Variants in BMPR1B observed in about 807,000 individuals in gnomAD.
BMPR1B encodes bone morphogenetic protein receptor type-1B.
Under a neutral mutation model 59.1 loss-of-function variants are expected in BMPR1B, and 12 were observed. The observed-to-expected ratio is 0.20, with a 90% CI of 0.13 to 0.33. The LOEUF is 0.33. Ranked by LOEUF, BMPR1B falls within the 10% of genes least tolerant of loss-of-function variation. BMPR1B has a pLI of 1.00. For missense variants in BMPR1B, 550 were observed against 610.9 expected, an observed-to-expected ratio of 0.90 and a Z score of 1.05; for synonymous variants, 237 against 207.3, an observed-to-expected ratio of 1.14 and a Z score of -1.23.
intron 3 of BMPR1B, among the ~76,000 whole-genome samples, chr4:95,013,385 A>G (rs908336242): frequency 3.2e-4 from 48 of 152,144 alleles, no homozygotes; most frequent in African/African-American, 1.1e-3. Context: ...TCCTTGGCTG[A>G]CTTACAGGTA....
chr4:95,071,631 T>C (rs1278943468), intron 3 of BMPR1B, among the ~76,000 whole-genome samples: 1 of 66,424 alleles, frequency 1.5e-5, no homozygotes, highest in Non-Finnish European at 3.2e-5. Context: ...TATATGTGTG[T>C]TTGTGTGTGT....
intron 3 of BMPR1B, among the ~76,000 whole-genome samples, chr4:95,094,055 T>G (rs573736307): frequency 6.6e-6 from 1 of 152,262 alleles, no homozygotes; most frequent in East Asian, 1.9e-4. Context: ...ATTGTTTTCC[T>G]ATATGTATTT....
At chr4:94,883,769 T>G (rs2148982328) in intron 2 of BMPR1B, among the ~76,000 whole-genome samples, 1 of 152,298 alleles carries the variant, frequency 6.6e-6, no homozygotes, top group South Asian at 2.1e-4. Context: ...AGATGATTTT[T>G]CAGTAATCCT....
intron 2 of BMPR1B, among the ~76,000 whole-genome samples, chr4:94,916,702 G>A (rs916116044): frequency 2.0e-5 from 3 of 152,218 alleles, no homozygotes; most frequent in Non-Finnish European, 4.4e-5. Flanking sequence ...AGCAGAGAAA[G>A]TAAAAGCTTA....
chr4:94,980,461 TCCCAGCCAAGGC>T (rs1357774633), intron 2 of BMPR1B, among the ~76,000 whole-genome samples: 1 of 152,116 alleles, frequency 6.6e-6, no homozygotes, highest in Non-Finnish European at 1.5e-5. Flanking sequence ...AAAAATTGAT[TCCCAGCCAAGGC>T]CCCTCTTTGT....
At chr4:95,002,379 G>A (rs192342299) in intron 3 of BMPR1B, among the ~76,000 whole-genome samples, 116 of 152,240 alleles carry the variant, frequency 7.6e-4, no homozygotes, top group African/African-American at 1.7e-3. Flanking sequence ...TCCATCCACT[G>A]TTGATTGTCA....
intron 2 of BMPR1B, among the ~76,000 whole-genome samples, chr4:94,947,573 G>A (rs757080316): frequency 7.2e-5 from 11 of 152,190 alleles, no homozygotes; most frequent in South Asian, 4.1e-4. Flanking sequence ...TTGTATACCC[G>A]TGTGATTGGA....
At chr4:95,102,698 G>T (rs1013751159) in intron 3 of BMPR1B, among the ~76,000 whole-genome samples, 1 of 152,002 alleles carries the variant, frequency 6.6e-6, no homozygotes. Flanking sequence ...TGGAACAAAT[G>T]GCTTTCAAGA....
chr4:94,794,520 A>G (rs1432732967), intron 1 of BMPR1B, among the ~76,000 whole-genome samples: 1 of 134,288 alleles, frequency 7.4e-6, no homozygotes, highest in Non-Finnish European at 1.6e-5. Flanking sequence ...TTGGTTCCAT[A>G]TGAACTTGAA....
intron 3 of BMPR1B, among the ~76,000 whole-genome samples, chr4:95,020,446 G>A (rs1316467254): frequency 1.3e-5 from 2 of 152,108 alleles, no homozygotes; most frequent in Non-Finnish European, 2.9e-5. Context: ...GGGCGTGGTG[G>A]TACATGCCTG....
chr4:95,057,610 A>T (rs1727029583), intron 3 of BMPR1B, among the ~76,000 whole-genome samples: 1 of 151,978 alleles, frequency 6.6e-6, no homozygotes, highest in South Asian at 2.1e-4. Context: ...AAGGTTTTTG[A>T]TTGCCAGTGT....
intron 1 of BMPR1B, among the ~76,000 whole-genome samples, chr4:94,784,554 T>A (rs1404025630): frequency 6.6e-6 from 1 of 152,162 alleles, no homozygotes; most frequent in Non-Finnish European, 1.5e-5. Flanking sequence ...GATGAGGTCT[T>A]GCTATGTGGC....
At chr4:95,035,639 G>T (rs547459818) in intron 3 of BMPR1B, among the ~76,000 whole-genome samples, 4 of 152,054 alleles carry the variant, frequency 2.6e-5, no homozygotes, top group Non-Finnish European at 4.4e-5. Context: ...ATTGGTCTAT[G>T]TGCCTGTTTT....
chr4:95,104,495 C>A lies in BMPR1B; in HGVS notation c.71C>A (p.Thr24Asn). Reference protein sequence around the residue: ...KKEDGESTAPTPRPKVLRCKC... With the variant: ...KKEDGESTAPNPRPKVLRCKC... ...GAGGATGGTGAGAGTACAGCCCCCA[C>A]CCCCCGTCCAAAGGTCTTGCGTTGT... Residue 24 changes from threonine (T) to asparagine (N), a missense_variant, in exon 4 of 13, where the codon ACC becomes AAC. Physicochemically the swap from Thr to Asn is moderately conservative, Grantham distance 65. This residue lies in a region of BMPR1B where 43 missense variants were observed against 35.4 expected (regional missense o/e 1.22). Coordinates refer to ENST00000515059, the MANE Select transcript of BMPR1B (RefSeq NM_001203.3). 1.2e-6 allele frequency: 2 copies of A among 1,613,322 alleles called. No homozygotes were observed. The highest frequency in any genetic ancestry group is 1.7e-6 in the Non-Finnish European group (2 of 1,179,538).
chr4:94,786,672 G>A (rs1722775371), intron 1 of BMPR1B, among the ~76,000 whole-genome samples: 2 of 151,996 alleles, frequency 1.3e-5, no homozygotes, highest in African/African-American at 4.8e-5. Flanking sequence ...CAAAGTAGCT[G>A]GGACTACAGG....
At chr4:94,781,154 C>A (rs573760450) in intron 1 of BMPR1B, among the ~76,000 whole-genome samples, 1 of 152,120 alleles carries the variant, frequency 6.6e-6, no homozygotes, top group South Asian at 2.1e-4. Context: ...GATTCTTAGT[C>A]CATTTCAAGA....
chr4:94,902,249 CAGAGAGAGAGAGAG>C lies in BMPR1B; in HGVS notation c.-113+26381_-113+26394del, dbSNP rs142124519. ...ACACACACACACACACACACACACA[CAGAGAGAGAGAGAG>C]AGAGAGAGAGAGAGAGAGAGAGAGA... On this transcript the variant is annotated intron_variant, in intron 2 of 12. Coordinates refer to ENST00000515059, the MANE Select transcript of BMPR1B (RefSeq NM_001203.3). Among the ~76,000 whole-genome samples, 612 of 68,952 alleles carry C rather than the reference CAGAGAGAGAGAGAG, an allele frequency of 8.9e-3. 8 individuals carry two copies. Among genetic ancestry groups the C allele is most frequent in the African/African-American group, 0.031 (551 of 17,904 alleles). 45.2% of individuals were successfully genotyped at this position (68,952 alleles called of 152,430 possible).
rs150458876 is a variant in BMPR1B, at chr4:94,796,223, C to T, written c.-183+38155C>T. ...CAAGTGATCTGTCCGCCTCAGCCTC[C>T]CAAAATGCTGGGATTACAAGTGTAA... is the stretch of plus-strand genomic sequence containing the variant. On this transcript the variant is annotated intron_variant, in intron 1 of 12. Transcript: ENST00000515059. Among the ~76,000 whole-genome samples, 14 of 152,290 alleles carry T rather than the reference C, an allele frequency of 9.2e-5. No individual in the cohort carries two copies. In the East Asian group the frequency reaches 2.7e-3, roughly 29 times the overall value.
chr4:94,773,303 C>A (rs576825780), intron 1 of BMPR1B, among the ~76,000 whole-genome samples: 17 of 152,090 alleles, frequency 1.1e-4, no homozygotes, highest in Middle Eastern at 3.4e-3. Flanking sequence ...AGCAAGGTAC[C>A]ATAACTGTTT....
Sources: allele counts gnomAD v4.1 joint callset (sites outside exome capture counted in the v4.1 genomes callset), GRCh38; gene constraint gnomAD v4.1.1; regional missense constraint gnomAD v4.1.1; transcripts MANE v1.5; gene names NCBI Gene and HGNC (gene_info 2026-07-23, HGNC 2026-07-21).